Variants in BICRAL observed in about 807,000 individuals in gnomAD.
BICRAL encodes the protein BRD4-interacting chromatin-remodeling complex-associated protein-like.
A neutral mutation model predicts 91.8 loss-of-function variants in BICRAL; 8 were observed. The observed-to-expected ratio is 0.09, with a 90% CI of 0.05 to 0.16. BICRAL has a LOEUF of 0.16. Among genes scored for constraint, BICRAL ranks in the 10% least tolerant of loss-of-function variants. BICRAL has a pLI of 1.00. For missense variants in BICRAL, 1,038 were observed against 1,310.9 expected, an observed-to-expected ratio of 0.79 and a Z score of 3.21; for synonymous variants, 445 against 491.1, an observed-to-expected ratio of 0.91 and a Z score of 1.24.
chr6:42,819,508 A>C (rs1764082146), intron 2 of BICRAL, among the ~76,000 whole-genome samples: 1 of 151,006 alleles, frequency 6.6e-6, no homozygotes, highest in South Asian at 2.1e-4. Context: ...CTGATCTCGA[A>C]CTCCTGACCT....
rs113238307 is a variant in BICRAL, at chr6:42,855,893, C to T, written c.2084C>T (p.Ala695Val). 3.9e-5 allele frequency: 63 copies of T among 1,613,470 alleles called. No homozygotes were observed. Among genetic ancestry groups the T allele is most frequent in the Middle Eastern group, 3.3e-4 (2 of 6,062 alleles). The change falls in exon 9 of 13, where the codon GCG becomes GTG. Residue 695 changes from alanine (A) to valine (V), a missense_variant. Transcript: ENST00000314073. ...TCGGGAGGACAAAAAAGGCCTGCTG[C>T]GAAACAGCTAACGAAAGGAGCTTTG... Reference protein sequence around the residue: ...SHSGGQKRPAAKQLTKGAFIL... With the variant: ...SHSGGQKRPAVKQLTKGAFIL...
At chr6:42,846,340 C>T (rs1304405603) in intron 6 of BICRAL, among the ~76,000 whole-genome samples, 17 of 151,862 alleles carry the variant, frequency 1.1e-4, no homozygotes. Context: ...TGCACTCCAG[C>T]CTCGGCGACA....
At chr6:42,837,039 GGTTCAAGCGATTCTCCT>G (rs908003514) in intron 6 of BICRAL, among the ~76,000 whole-genome samples, 1 of 151,892 alleles carries the variant, frequency 6.6e-6, no homozygotes, top group African/African-American at 2.4e-5. Context: ...CCGCCTCCCA[GGTTCAAGCGATTCTCCT>G]GCCTCAGCCT....
chr6:42,826,231 CT>C (rs763034286), intron 5 of BICRAL, among the ~76,000 whole-genome samples: 1,195 of 116,870 alleles, frequency 0.01, 4 homozygotes, highest in Middle Eastern at 0.019. Flanking sequence ...AACTCATGTT[CT>C]TTTTTTTTTT....
chr6:42,809,945 C>T (rs1763809287), intron 1 of BICRAL, among the ~76,000 whole-genome samples: 1 of 152,034 alleles, frequency 6.6e-6, no homozygotes, highest in South Asian at 2.1e-4. Flanking sequence ...TGCCACCACA[C>T]CTGGTTGAGT....
chr6:42,812,843 T>C (rs766611537), intron 2 of BICRAL, among the ~76,000 whole-genome samples: 9 of 152,114 alleles, frequency 5.9e-5, no homozygotes, highest in Non-Finnish European at 8.8e-5. Context: ...ACCAGCCTCC[T>C]GGACAACATA....
In BICRAL at chr6:42,829,084, G is replaced by A. The variant is rs1764390240; in HGVS notation, c.751G>A (p.Gly251Arg). Residue 251 changes from glycine (G) to arginine (R), a missense_variant, in exon 6 of 13, where the codon GGA becomes AGA. By Grantham distance (125) the Gly-to-Arg change is moderately radical. Transcript: ENST00000314073. The part of the protein sequence containing the change: ...SGQQAPSNVS[G>R]GLLVHRQTPN... The stretch of plus-strand genomic sequence containing the variant: ...GCAGCAAGCCCCATCAAATGTGAGT[G>A]GAGGGCTCCTGGTTCATAGACAGAC... 6.2e-7 allele frequency: 1 copy of A among 1,614,172 alleles called. No homozygotes were observed. The highest frequency in any genetic ancestry group is 8.5e-7 in the Non-Finnish European group (1 of 1,180,016).
At chr6:42,842,932 C>A (rs1051165241) in intron 6 of BICRAL, among the ~76,000 whole-genome samples, 2 of 151,652 alleles carry the variant, frequency 1.3e-5, no homozygotes, top group Non-Finnish European at 2.9e-5. Flanking sequence ...TGGCTCACTG[C>A]AAGCTCCGCC....
upstream of BICRAL, chr6:42,782,047 C>G (rs1380871196): frequency 6.7e-6 from 1 of 148,870 alleles, no homozygotes; most frequent in Non-Finnish European, 1.5e-5. Flanking sequence ...GCCGCCGCCG[C>G]CCCTGTTGCG....
intron 1 of BICRAL, among the ~76,000 whole-genome samples, chr6:42,804,776 C>G (rs1199023745): frequency 6.6e-6 from 1 of 152,166 alleles, no homozygotes; most frequent in Non-Finnish European, 1.5e-5. Context: ...ACCATACAAT[C>G]TAAAAGTTGC....
At chr6:42,770,095 T>C (rs1475184004) in intron 1 of BICRAL, among the ~76,000 whole-genome samples, 1 of 152,206 alleles carries the variant, frequency 6.6e-6, no homozygotes, top group East Asian at 1.9e-4. Context: ...TTTAAGGACT[T>C]TGCCAAATAC....
intron 1 of BICRAL, among the ~76,000 whole-genome samples, chr6:42,772,224 A>AT (rs148737526): frequency 4.7e-4 from 72 of 151,642 alleles, no homozygotes; most frequent in African/African-American, 1.5e-3. Flanking sequence ...AGGTTTAGAT[A>AT]TTTTTTTTTC....
intron 1 of BICRAL, among the ~76,000 whole-genome samples, chr6:42,767,072 A>C (rs1762647775): frequency 6.6e-6 from 1 of 151,540 alleles, no homozygotes; most frequent in Admixed American, 6.6e-5. Flanking sequence ...GAATAGATTG[A>C]ACCTGGGAGG....
At chr6:42,862,363 C>A in intron 11 of BICRAL, 147 bp from the exon 12 acceptor site, 1 of 631,004 alleles carries the variant, frequency 1.6e-6, no homozygotes, top group Non-Finnish European at 2.9e-6. Flanking sequence ...AGTGGGTGCA[C>A]ACCAGGGAGA....
Position 42,864,969 on chromosome 6 carries a change from G to C in BICRAL, c.2763G>C (p.Lys921Asn). 6.2e-7 allele frequency: 1 copy of C among 1,614,154 alleles called. No homozygotes were observed. Among genetic ancestry groups the C allele is most frequent in the Non-Finnish European group, 8.5e-7 (1 of 1,180,040 alleles). The change falls in exon 13 of 13, where the codon AAG (lysine) becomes AAC (asparagine). Residue 921 changes from lysine to asparagine, a missense_variant. Coordinates refer to ENST00000314073, the MANE Select transcript of BICRAL (RefSeq NM_001393499.1). The stretch of plus-strand genomic sequence containing the variant: ...AGTACCAGAGCACGTCTGAAGAGAA[G>C]GCCAGCCGGAGAGAGCCTCTGAAGG... ...LVQYQSTSEE[K>N]ASRREPLKAS...
intron 1 of BICRAL, among the ~76,000 whole-genome samples, chr6:42,783,522 C>T (rs1417180188): frequency 3.3e-5 from 5 of 151,992 alleles, no homozygotes; most frequent in Admixed American, 3.3e-4. Context: ...CCATCTTTCT[C>T]GCGGCGCGGG....
At position 42,855,988 on chromosome 6, in the gene BICRAL, C is replaced by T. The variant is rs1765339136; in HGVS notation, c.2108+71C>T. On this transcript the variant is annotated intron_variant, in intron 9 of 12. Transcript: ENST00000314073. ...GGGTCCCTAGCCTTCAATAAATATACCACAGAAAACAGGTTATAATAATGA... is the reference window on the plus strand; with the variant it reads ...GGGTCCCTAGCCTTCAATAAATATATCACAGAAAACAGGTTATAATAATGA... 3.4e-6 allele frequency: 4 copies of T among 1,183,618 alleles called. No individual in the cohort carries two copies. The East Asian group carries it at 9.4e-5, about 28-fold the overall frequency. The allele number at this position is 1,183,618 out of a possible 1,614,324, so 73.3% of individuals were successfully genotyped here. A position where few individuals can be genotyped will look rare whatever the true frequency, so the allele number is the denominator to read the frequency against.
chr6:42,846,640 A>G (rs748290685), intron 6 of BICRAL, among the ~76,000 whole-genome samples: 3 of 152,096 alleles, frequency 2.0e-5, no homozygotes, highest in African/African-American at 7.2e-5. Flanking sequence ...CGGCACAAGG[A>G]AGTAGTTTTC....
chr6:42,844,508 CAAAAAAAAAA>C (rs34115804), intron 6 of BICRAL, among the ~76,000 whole-genome samples: 20 of 31,454 alleles, frequency 6.4e-4, no homozygotes, highest in Non-Finnish European at 9.3e-4. Context: ...GACTCCATCT[CAAAAAAAAAA>C]AAAAAAAAAA....
Sources: gnomAD v4.1 joint callset for allele counts (sites outside exome capture counted in the v4.1 genomes callset) on GRCh38, gnomAD v4.1.1 for gene constraint, MANE v1.5 for transcripts, NCBI Gene and HGNC (gene_info 2026-07-23, HGNC 2026-07-21) for gene names.